The following USP49 variants were observed in gnomAD, a reference collection of about 807,000 sequenced individuals.
USP49 encodes the protein ubiquitin carboxyl-terminal hydrolase 49.
USP49 carries 24 observed loss-of-function variants against 58.6 expected under a neutral mutation model. That is an observed-to-expected ratio of 0.41 (90% CI 0.30 to 0.58). The LOEUF (loss-of-function observed/expected upper bound fraction) is 0.58. Ranked by LOEUF, USP49 falls within the 20% of genes least tolerant of loss-of-function variation. USP49 has a pLI of 0.30. For synonymous variants in USP49, 408 were observed against 365.1 expected (o/e 1.12, Z -1.34); for missense variants, 703 against 866.1 (o/e 0.81, Z 2.36).
At chr6:41,885,052 T>G (rs144286747) in intron 2 of USP49, among the ~76,000 whole-genome samples, 29 of 152,282 alleles carry the variant, frequency 1.9e-4, no homozygotes, top group African/African-American at 6.7e-4. Flanking sequence ...AACAACTACT[T>G]TTTGGAGGAT....
In USP49 at chr6:41,809,226, T is replaced by TAA. The variant is rs147542602; in HGVS notation, c.-28-2217_-28-2216dup. Among the ~76,000 whole-genome samples the TAA allele has an allele frequency of 8.1e-3, 1,125 of 138,828 alleles. 11 individuals carry two copies. The highest frequency in any genetic ancestry group is 0.015 in the South Asian group (63 of 4,158). The allele number at this position is 138,828 out of a possible 152,430, so 91.1% of individuals were successfully genotyped here. A position where few individuals can be genotyped will look rare whatever the true frequency, so the allele number is the denominator to read the frequency against. On this transcript the variant is annotated intron_variant, in intron 3 of 7. Transcript: ENST00000682992. ...ACACCTGGCCTAGTCTCTTTAAAATTAAAAAAAAAAAAAAGGCCAGGTGCG... is the reference window on the plus strand; with the variant it reads ...ACACCTGGCCTAGTCTCTTTAAAATTAAAAAAAAAAAAAAAAGGCCAGGTGCG...
intron 3 of USP49, among the ~76,000 whole-genome samples, chr6:41,853,834 TA>T (rs35951100): frequency 6.7e-6 from 1 of 150,158 alleles, no homozygotes; most frequent in Non-Finnish European, 1.5e-5. Context: ...CCGTCTCTAC[TA>T]AAAAAAATAC....
intron 3 of USP49, among the ~76,000 whole-genome samples, chr6:41,830,040 G>A (rs1261326159): frequency 6.6e-6 from 1 of 152,218 alleles, no homozygotes; most frequent in South Asian, 2.1e-4. Context: ...ATTTGGTCTT[G>A]ATGTTTTGTT....
intron 2 of USP49, among the ~76,000 whole-genome samples, chr6:41,880,201 T>C (rs985376382): frequency 6.6e-6 from 1 of 150,662 alleles, no homozygotes; most frequent in Non-Finnish European, 1.5e-5. Context: ...ATTAGAAAGG[T>C]CTTAAGATGA....
chr6:41,799,981 T>G (rs367989091), intron 5 of USP49, 43 bp from the exon 6 acceptor site: 77 of 1,553,156 alleles, frequency 5.0e-5, no homozygotes, highest in Admixed American at 6.8e-5. Flanking sequence ...TGTGAGGAGT[T>G]TTTTCTAGCT....
chr6:41,846,650 A>G (rs1773928538), intron 3 of USP49, among the ~76,000 whole-genome samples: 1 of 152,230 alleles, frequency 6.6e-6, no homozygotes, highest in East Asian at 1.9e-4. Context: ...AAGCTACAGC[A>G]CCAGGCCACT....
At chr6:41,804,410 T>C (rs1773072990) in intron 4 of USP49, among the ~76,000 whole-genome samples, 1 of 152,132 alleles carries the variant, frequency 6.6e-6, no homozygotes, top group Admixed American at 6.6e-5. Context: ...CTTCAGACCT[T>C]CCATGGGGCC....
chr6:41,877,414 T>C (rs923025405), intron 2 of USP49, among the ~76,000 whole-genome samples: 1 of 152,228 alleles, frequency 6.6e-6, no homozygotes, highest in Non-Finnish European at 1.5e-5. Context: ...ATTTACAGTA[T>C]ACATGGAATG....
chr6:41,858,346 G>A (rs924689537), intron 3 of USP49, among the ~76,000 whole-genome samples: 2 of 152,092 alleles, frequency 1.3e-5, no homozygotes, highest in African/African-American at 2.4e-5. Context: ...AAGTCACAGC[G>A]TTCATGTTAT....
At position 41,798,818 on chromosome 6, in the gene USP49, C is replaced by T; in HGVS notation, c.1782G>A (p.Glu594=). The T allele has an allele frequency of 6.2e-7, 1 of 1,614,036 alleles. No homozygotes were observed. The highest frequency in any genetic ancestry group is 2.2e-5 in the East Asian group (1 of 44,860). ...CRDMLSSLDK[E]TFAYDLSAVV... is the part of the protein sequence containing the mutation. ...CTGCGGAGAGATCATAGGCAAAGGT[C>T]TCTTTGTCAAGAGAGGAGAGCATGT... The change falls in exon 7 of 8, where the codon GAG becomes GAA. Residue 594 remains glutamate, a synonymous_variant. Transcript: ENST00000682992.
Position 41,791,227 on chromosome 6 carries a change from T to C in USP49, c.*5306A>G, listed in dbSNP as rs1772792549. 1 of 152,236 alleles carries C rather than the reference T, an allele frequency of 6.6e-6. No individual in the cohort carries two copies. Among genetic ancestry groups the C allele is most frequent in the Admixed American group, 6.5e-5 (1 of 15,284 alleles). The allele number at this position is 152,236 out of a possible 1,614,324, so 9.4% of individuals were successfully genotyped here. ...AAGTAAGTGTTTACTGTTGGTTGGG[T>C]TTTAAAGCCATAATTATGGTTGAGT... On this transcript the variant is annotated 3_prime_UTR_variant, in exon 8 of 8. Transcript: ENST00000682992.
chr6:41,854,829 G>A (rs1774097510), intron 3 of USP49, among the ~76,000 whole-genome samples: 1 of 152,126 alleles, frequency 6.6e-6, no homozygotes, highest in Non-Finnish European at 1.5e-5. Flanking sequence ...CTGGAGTGCA[G>A]TGGTGCAATC....
intron 4 of USP49, 62 bp downstream of exon 4, chr6:41,805,566 C>A: frequency 2.0e-6 from 3 of 1,523,708 alleles, no homozygotes; most frequent in Admixed American, 2.0e-5. Flanking sequence ...CCGGGGAAGG[C>A]ACTCACAGGA....
intron 1 of USP49, among the ~76,000 whole-genome samples, chr6:41,892,138 T>C (rs1455912873): frequency 2.6e-5 from 4 of 152,192 alleles, no homozygotes; most frequent in Admixed American, 6.6e-5. Context: ...TGAGACTCAG[T>C]GGTTTAGCAC....
chr6:41,808,324 T>C (rs1055170418), intron 3 of USP49, among the ~76,000 whole-genome samples: 1 of 152,192 alleles, frequency 6.6e-6, no homozygotes, highest in African/African-American at 2.4e-5. Context: ...ATGTTTTTTT[T>C]TCCCCCTCCC....
intron 3 of USP49, among the ~76,000 whole-genome samples, chr6:41,812,503 A>G (rs1773276082): frequency 6.6e-6 from 1 of 151,582 alleles, no homozygotes; most frequent in East Asian, 2.0e-4. Context: ...ACCATCCTGG[A>G]TAACACGGTG....
chr6:41,807,300 A>T (rs1389858706), intron 3 of USP49, among the ~76,000 whole-genome samples: 1 of 152,228 alleles, frequency 6.6e-6, no homozygotes, highest in Non-Finnish European at 1.5e-5. Context: ...GGAGAGATGA[A>T]GAAACTCAAA....
intron 3 of USP49, among the ~76,000 whole-genome samples, chr6:41,870,075 G>C (rs1774388316): frequency 6.6e-6 from 1 of 152,170 alleles, no homozygotes; most frequent in Non-Finnish European, 1.5e-5. Context: ...TTAACTCTTG[G>C]AATGTATCAG....
rs1022516393 is a variant in USP49 at position 41,883,393 on chromosome 6, A to C, written c.-103+8401T>G. Among the ~76,000 whole-genome samples the C allele has an allele frequency of 7.3e-5, 11 of 150,070 alleles. No individual in the cohort carries two copies. In the East Asian group the frequency reaches 2.2e-3, roughly 29 times the overall value. ...AAAAAAATGCCAAGCACAGTGGCTC[A>C]CGCTTGTAATCCCAGCACTTTGGGA... On this transcript the variant is annotated intron_variant, in intron 2 of 7. Coordinates refer to ENST00000682992, the MANE Select transcript of USP49 (RefSeq NM_001286554.2).
Sources: allele counts gnomAD v4.1 joint callset (sites outside exome capture counted in the v4.1 genomes callset), GRCh38; gene constraint gnomAD v4.1.1; transcripts MANE v1.5; gene names NCBI Gene and HGNC (gene_info 2026-07-23, HGNC 2026-07-21).